Variants in IGFBP7 observed in about 807,000 individuals in gnomAD.
The protein encoded by IGFBP7 is insulin-like growth factor-binding protein 7.
In IGFBP7, 31 loss-of-function variants were observed where a neutral mutation model predicts 29.4. That is an observed-to-expected ratio of 1.05 (90% CI 0.79 to 1.42). The LOEUF (loss-of-function observed/expected upper bound fraction) is 1.42. Ranked by LOEUF, IGFBP7 falls within the 40% of genes most tolerant of loss-of-function variation. IGFBP7 has a pLI of 0.00. For missense variants in IGFBP7, 393 were observed against 395.5 expected, an observed-to-expected ratio of 0.99 and a Z score of 0.05; for synonymous variants, 172 against 174.9, an observed-to-expected ratio of 0.98 and a Z score of 0.13.
intron 1 of IGFBP7, among the ~76,000 whole-genome samples, chr4:57,089,161 A>T (rs888991695): frequency 1.1e-4 from 16 of 152,234 alleles, no homozygotes; most frequent in African/African-American, 3.9e-4. Context: ...TATGACTTAA[A>T]TAAGCTTAAA....
At chr4:57,059,366 T>C (rs1304225871) in intron 1 of IGFBP7, among the ~76,000 whole-genome samples, 5 of 151,912 alleles carry the variant, frequency 3.3e-5, no homozygotes, top group East Asian at 1.9e-4. Context: ...CAATGACAGA[T>C]CGAATAAAGA....
intron 1 of IGFBP7, among the ~76,000 whole-genome samples, chr4:57,079,922 C>T (rs925688133): frequency 2.0e-5 from 3 of 152,176 alleles, no homozygotes; most frequent in African/African-American, 7.2e-5. Context: ...AGTTAAGTGG[C>T]TATGCTTATT....
chr4:57,042,568 G>A (rs1328926759), intron 1 of IGFBP7, among the ~76,000 whole-genome samples: 3 of 152,060 alleles, frequency 2.0e-5, no homozygotes, highest in Admixed American at 1.3e-4. Context: ...GGCTGGTCTC[G>A]AACCCCTGAG....
At chr4:57,104,765 G>C (rs114286612) in intron 1 of IGFBP7, among the ~76,000 whole-genome samples, 2 of 152,292 alleles carry the variant, frequency 1.3e-5, no homozygotes, top group African/African-American at 4.8e-5. Flanking sequence ...GGGGGGAAAA[G>C]TTACCATCCA....
At chr4:57,062,351 A>G (rs946449542) in intron 1 of IGFBP7, among the ~76,000 whole-genome samples, 5 of 152,248 alleles carry the variant, frequency 3.3e-5, no homozygotes, top group Non-Finnish European at 7.3e-5. Context: ...AGAAAGAAAA[A>G]CAAGAAAGTA....
rs548051457 is a variant in IGFBP7, at chr4:57,109,921, C to T, written c.431G>A (p.Gly144Glu). ...RAASQRAESR[G>E]EKAITQVSKG... ...GCTGACCTGGGTGATGGCCTTCTCC[C>T]CGCGGCTCTCGGCCCTCTGGCTGGC... Residue 144 changes from glycine to glutamate, a missense_variant, in exon 1 of 5, where the codon GGG (glycine) becomes GAG (glutamate). Transcript: ENST00000295666. 591 of 1,557,532 alleles carry T rather than the reference C, an allele frequency of 3.8e-4. 7 individuals carry two copies. The South Asian group carries it at 6.5e-3, about 17-fold the overall frequency.
chr4:57,033,117 A>C (rs1423391973), intron 3 of IGFBP7, 78 bp downstream of exon 3: 1 of 990,870 alleles, frequency 1.0e-6, no homozygotes, highest in Non-Finnish European at 1.6e-6. Context: ...CTGGCGGTAC[A>C]TCAGGCACCT....
chr4:57,062,179 A>G (rs1219112249), intron 1 of IGFBP7, among the ~76,000 whole-genome samples: 1 of 152,180 alleles, frequency 6.6e-6, no homozygotes, highest in Non-Finnish European at 1.5e-5. Flanking sequence ...ACCTGTCTAC[A>G]TAATCCGTAT....
At chr4:57,057,880 G>T (rs146278304) in intron 1 of IGFBP7, among the ~76,000 whole-genome samples, 1 of 152,224 alleles carries the variant, frequency 6.6e-6, no homozygotes, top group Non-Finnish European at 1.5e-5. Flanking sequence ...GTCTGAGCCA[G>T]TACATCAGCT....
At chr4:57,079,873 T>C (rs1408269759) in intron 1 of IGFBP7, among the ~76,000 whole-genome samples, 3 of 152,226 alleles carry the variant, frequency 2.0e-5, no homozygotes, top group African/African-American at 7.2e-5. Flanking sequence ...CAGTGCAGGC[T>C]CATCCATATA....
intron 1 of IGFBP7, among the ~76,000 whole-genome samples, chr4:57,092,270 G>A (rs1164190089): frequency 1.3e-5 from 2 of 151,958 alleles, no homozygotes; most frequent in East Asian, 3.9e-4. Flanking sequence ...CTGTTATTTT[G>A]AAATATTTGA....
In IGFBP7 at chr4:57,033,413, C is replaced by CT. The variant is rs1578602607; in HGVS notation, c.586-103dup. 4 of 806,986 alleles carry CT rather than the reference C, an allele frequency of 5.0e-6. No homozygotes were observed. The East Asian group carries it at 9.7e-5, about 20-fold the overall frequency. The allele number at this position is 806,986 out of a possible 1,614,324, so 50.0% of individuals were successfully genotyped here. A position where few individuals can be genotyped will look rare whatever the true frequency, so the allele number is the denominator to read the frequency against. ...TTGCACATAGTGTATGTCAGACTTTCTAACAGAGTAAACCCAGCATTTCAC... is the reference window on the plus strand; with the variant it reads ...TTGCACATAGTGTATGTCAGACTTTCTTAACAGAGTAAACCCAGCATTTCAC... On this transcript the variant is annotated intron_variant, in intron 2 of 4. Transcript: ENST00000295666.
intron 1 of IGFBP7, among the ~76,000 whole-genome samples, chr4:57,066,585 A>T (rs1466886905): frequency 2.0e-5 from 3 of 150,882 alleles, no homozygotes; most frequent in Non-Finnish European, 4.4e-5. Flanking sequence ...TTTTTTGGAG[A>T]TGGAGTCTTG....
intron 1 of IGFBP7, among the ~76,000 whole-genome samples, chr4:57,078,023 G>A (rs1578637530): frequency 1.3e-5 from 2 of 152,102 alleles, no homozygotes; most frequent in Admixed American, 6.6e-5. Context: ...GGGGGAGCTG[G>A]ACCGGATGAC....
At chr4:57,101,688 C>T (rs1725900152) in intron 1 of IGFBP7, among the ~76,000 whole-genome samples, 1 of 150,470 alleles carries the variant, frequency 6.6e-6, no homozygotes, top group Non-Finnish European at 1.5e-5. Context: ...TAAACGTTTC[C>T]CCCCCTCCCC....
intron 1 of IGFBP7, chr4:57,065,472 A>T (rs1724895746): frequency 6.6e-6 from 1 of 152,186 alleles, no homozygotes; most frequent in South Asian, 2.1e-4. Context: ...TCATGACAAG[A>T]AGAGAAAGTG....
At chr4:57,098,506 C>T (rs1252249921) in intron 1 of IGFBP7, among the ~76,000 whole-genome samples, 1 of 152,132 alleles carries the variant, frequency 6.6e-6, no homozygotes, top group Non-Finnish European at 1.5e-5. Flanking sequence ...ACCAAAGGCC[C>T]AGCAGTGCAG....
At chr4:57,051,799 A>G (rs898487027) in intron 1 of IGFBP7, among the ~76,000 whole-genome samples, 1 of 152,232 alleles carries the variant, frequency 6.6e-6, no homozygotes, top group Non-Finnish European at 1.5e-5. Context: ...CATCAAAAGG[A>G]TCAAACAAGA....
chr4:57,062,163 C>T (rs1435301188), intron 1 of IGFBP7, among the ~76,000 whole-genome samples: 5 of 152,110 alleles, frequency 3.3e-5, no homozygotes, highest in Non-Finnish European at 7.3e-5. Flanking sequence ...CCGATGCTAC[C>T]GTGATACCTG....
Sources: allele counts gnomAD v4.1 joint callset (sites outside exome capture counted in the v4.1 genomes callset), GRCh38; gene constraint gnomAD v4.1.1; transcripts MANE v1.5; gene names NCBI Gene and HGNC (gene_info 2026-07-23, HGNC 2026-07-21).